Variants in CNTN1 observed in about 807,000 individuals in gnomAD.
The protein encoded by CNTN1 is contactin 1, also known as contactin-1.
CNTN1 carries 38 observed loss-of-function variants against 126.4 expected under a neutral mutation model. The observed-to-expected ratio is 0.30, with a 90% CI of 0.23 to 0.39. The LOEUF (loss-of-function observed/expected upper bound fraction) is 0.39, where lower values mean the gene tolerates loss of function less well. Among genes scored for constraint, CNTN1 ranks in the 10% least tolerant of loss-of-function variants. CNTN1 has a pLI of 1.00. For missense variants in CNTN1, 1,009 were observed against 1,248.4 expected (o/e 0.81, Z 2.89); for synonymous variants, 413 against 422.6 (o/e 0.98, Z 0.28).
chr12:40,907,800 T>C (rs1017029027), intron 1 of CNTN1, among the ~76,000 whole-genome samples: 1 of 152,164 alleles, frequency 6.6e-6, no homozygotes, highest in African/African-American at 2.4e-5. Flanking sequence ...TATTAATTAA[T>C]ATATTGTAAC....
intron 1 of CNTN1, among the ~76,000 whole-genome samples, chr12:40,730,552 G>A (rs1942470094): frequency 6.6e-6 from 1 of 152,126 alleles, no homozygotes; most frequent in African/African-American, 2.4e-5. Flanking sequence ...AATGACCTCA[G>A]TTGCCCAATA....
chr12:40,960,379 A>G (rs932846926), intron 15 of CNTN1, among the ~76,000 whole-genome samples: 1 of 152,030 alleles, frequency 6.6e-6, no homozygotes, highest in Non-Finnish European at 1.5e-5. Flanking sequence ...TTTTCACACT[A>G]TCAGATAAAT....
At chr12:40,951,715 T>TAAAAAAA (rs71078286) in intron 14 of CNTN1, among the ~76,000 whole-genome samples, 9 of 110,008 alleles carry the variant, frequency 8.2e-5, no homozygotes, top group East Asian at 2.8e-4. Flanking sequence ...TCTCAAAATT[T>TAAAAAAA]AAAAAAAAAA....
intron 1 of CNTN1, among the ~76,000 whole-genome samples, chr12:40,710,318 G>A (rs546497427): frequency 6.6e-6 from 1 of 152,224 alleles, no homozygotes; most frequent in African/African-American, 2.4e-5. Flanking sequence ...AACACCTATT[G>A]ATTAAGTATC....
intron 17 of CNTN1, among the ~76,000 whole-genome samples, chr12:41,011,266 G>C (rs905520201): frequency 1.3e-5 from 2 of 152,216 alleles, no homozygotes; most frequent in East Asian, 3.9e-4. Flanking sequence ...ATTCCCTTTG[G>C]GCCTGCCTGA....
At chr12:40,935,792 CAT>C (rs1225811399) in intron 9 of CNTN1, among the ~76,000 whole-genome samples, 18 of 152,072 alleles carry the variant, frequency 1.2e-4, no homozygotes, top group Non-Finnish European at 1.8e-4. Flanking sequence ...TATAGGTGTA[CAT>C]ATGTCTACAT....
At chr12:40,883,016 T>C (rs1376573326) in intron 1 of CNTN1, among the ~76,000 whole-genome samples, 1 of 151,628 alleles carries the variant, frequency 6.6e-6, no homozygotes, top group Non-Finnish European at 1.5e-5. Context: ...GAATATTTAT[T>C]CATCACTGAC....
At chr12:40,767,909 A>C (rs531510713) in intron 1 of CNTN1, among the ~76,000 whole-genome samples, 1 of 152,212 alleles carries the variant, frequency 6.6e-6, no homozygotes, top group Non-Finnish European at 1.5e-5. Context: ...TTTCTTTAAT[A>C]CTTTGTATTC....
At chr12:41,038,014 C>T (rs866303466) in intron 23 of CNTN1, among the ~76,000 whole-genome samples, 18 of 151,870 alleles carry the variant, frequency 1.2e-4, no homozygotes, top group Admixed American at 2.6e-4. Flanking sequence ...GAAAATTAGC[C>T]GGGCATGGTG....
chr12:40,839,578 A>G (rs1307726540), intron 1 of CNTN1, among the ~76,000 whole-genome samples: 1 of 152,164 alleles, frequency 6.6e-6, no homozygotes, highest in Non-Finnish European at 1.5e-5. Context: ...TTAAAAGCAG[A>G]TTTGTCAGTT....
At position 40,784,865 on chromosome 12, in the gene CNTN1, G is replaced by T. The variant is rs1289286238; in HGVS notation, c.-77+92273G>T. 2.6e-5 allele frequency among the ~76,000 whole-genome samples: 4 copies of T among 152,186 alleles called. No homozygotes were observed. The East Asian group carries it at 5.8e-4, about 22-fold the overall frequency. On this transcript the variant is annotated intron_variant, in intron 1 of 23. Transcript: ENST00000551295. ...GAAATATAAGGTAGCTTTCACTCAGGTTTGGGGGCAGAATTCACCTGCGTG... is the reference window on the plus strand; with the variant it reads ...GAAATATAAGGTAGCTTTCACTCAGTTTTGGGGGCAGAATTCACCTGCGTG...
At chr12:40,986,832 A>T (rs1947966717) in intron 16 of CNTN1, among the ~76,000 whole-genome samples, 1 of 152,116 alleles carries the variant, frequency 6.6e-6, no homozygotes, top group Non-Finnish European at 1.5e-5. Context: ...AATAATTGTC[A>T]AATTACTATA....
rs1947804527 is a variant in CNTN1, at chr12:40,980,973, T to C, written c.1869T>C (p.Thr623=). 10 of 1,613,834 alleles carry C rather than the reference T, an allele frequency of 6.2e-6. No homozygotes were observed. The highest frequency in any genetic ancestry group is 4.0e-5 in the African/African-American group (3 of 74,930). Residue 623 remains threonine, a synonymous_variant, in exon 16 of 24, where the codon ACT becomes ACC. Coordinates refer to ENST00000551295, the MANE Select transcript of CNTN1 (RefSeq NM_001843.4). The part of the protein sequence containing the change: ...EDIRATSVAL[T]WSRGSDNHSP... ...TTAGAGCCACTTCTGTGGCACTTAC[T>C]TGGAGCCGTGGTTCAGACAATCATA... is the stretch of plus-strand genomic sequence containing the variant.
chr12:40,906,544 C>T (rs1944822894), intron 1 of CNTN1, among the ~76,000 whole-genome samples: 1 of 151,762 alleles, frequency 6.6e-6, no homozygotes, highest in African/African-American at 2.4e-5. Flanking sequence ...CTATATTTTT[C>T]TCTGACATAA....
At chr12:40,864,595 A>G (rs977498770) in intron 1 of CNTN1, among the ~76,000 whole-genome samples, 1 of 152,024 alleles carries the variant, frequency 6.6e-6, no homozygotes, top group Non-Finnish European at 1.5e-5. Context: ...ATATGATTTC[A>G]TACCTTTTGT....
At chr12:40,858,759 A>C (rs1374449694) in intron 1 of CNTN1, among the ~76,000 whole-genome samples, 1 of 152,186 alleles carries the variant, frequency 6.6e-6, no homozygotes, top group African/African-American at 2.4e-5. Context: ...TGGATAAAGA[A>C]AATGTGGTAT....
chr12:40,818,527 T>G (rs1296579839), intron 1 of CNTN1, among the ~76,000 whole-genome samples: 1 of 152,238 alleles, frequency 6.6e-6, no homozygotes, highest in East Asian at 1.9e-4. Flanking sequence ...TCATGTAATT[T>G]ATATTCCTCT....
intron 15 of CNTN1, among the ~76,000 whole-genome samples, chr12:40,964,519 TAAGTGA>T (rs1245519155): frequency 1.6e-5 from 2 of 123,962 alleles, no homozygotes; most frequent in African/African-American, 6.7e-5. Flanking sequence ...AAACACCGTG[TAAGTGA>T]GTGTGTGTGT....
chr12:40,714,891 T>C (rs1477801551), intron 1 of CNTN1, among the ~76,000 whole-genome samples: 1 of 152,102 alleles, frequency 6.6e-6, no homozygotes, highest in Admixed American at 6.6e-5. Flanking sequence ...CTTTTGTTTC[T>C]TAAAAAAGAG....
Sources: allele counts gnomAD v4.1 joint callset (sites outside exome capture counted in the v4.1 genomes callset), GRCh38; gene constraint gnomAD v4.1.1; transcripts MANE v1.5; gene names NCBI Gene and HGNC (gene_info 2026-07-23, HGNC 2026-07-21).